EDIL3: variants seen among roughly 807,000 people sequenced by gnomAD.
The protein encoded by EDIL3 is EGF like and discoidin domains 3, also known as EGF-like repeat and discoidin I-like domain-containing protein 3.
EDIL3 carries 37 observed loss-of-function variants against 67.4 expected under a neutral mutation model. That is an observed-to-expected ratio of 0.55 (90% CI 0.42 to 0.72). EDIL3 has a LOEUF of 0.72. Among genes scored for constraint, EDIL3 ranks in the 30% least tolerant of loss-of-function variants. The probability of loss-of-function intolerance (pLI) is 0.00; values close to 1 mark genes in which losing one functional copy is unlikely to be tolerated. For missense variants in EDIL3, 527 were observed against 586.3 expected (o/e 0.90, Z 1.04); for synonymous variants, 195 against 196.3 (o/e 0.99, Z 0.05).
At chr5:84,197,520 G>A (rs541405056) in intron 3 of EDIL3, among the ~76,000 whole-genome samples, 1 of 151,848 alleles carries the variant, frequency 6.6e-6, no homozygotes, top group African/African-American at 2.4e-5. Flanking sequence ...TTAGCAGTGC[G>A]TGGTGGCACG....
chr5:84,067,192 C>CT (rs1746658355), intron 6 of EDIL3, among the ~76,000 whole-genome samples: 2 of 152,058 alleles, frequency 1.3e-5, no homozygotes, highest in African/African-American at 4.8e-5. Context: ...TAAATGATTG[C>CT]TTTTTTCTTC....
At position 83,973,625 on chromosome 5, in the gene EDIL3, A is replaced by C. The variant is rs370063246; in HGVS notation, c.1138-10265T>G. ...GTTTACACGTGTAAAAACTATCTGA[A>C]TATATCTTTGACAATTACTTTACTG... On this transcript the variant is annotated intron_variant, in intron 9 of 10. Transcript: ENST00000296591. Among the ~76,000 whole-genome samples the C allele has an allele frequency of 3.1e-4, 47 of 152,162 alleles. 1 individual carries two copies. The highest frequency in any genetic ancestry group is 1.0e-3 in the African/African-American group (42 of 41,544).
At chr5:84,209,473 A>T (rs1014508116) in intron 3 of EDIL3, among the ~76,000 whole-genome samples, 1 of 152,176 alleles carries the variant, frequency 6.6e-6, no homozygotes, top group Non-Finnish European at 1.5e-5. Flanking sequence ...GAATAAATGT[A>T]TACTTAATTA....
intron 4 of EDIL3, among the ~76,000 whole-genome samples, chr5:84,166,618 A>C (rs1262233620): frequency 1.3e-5 from 2 of 152,178 alleles, no homozygotes; most frequent in African/African-American, 4.8e-5. Flanking sequence ...GAGAAGAAAA[A>C]TATTAAAACA....
At chr5:84,135,284 C>T (rs1748068339) in intron 5 of EDIL3, among the ~76,000 whole-genome samples, 1 of 152,154 alleles carries the variant, frequency 6.6e-6, no homozygotes, top group South Asian at 2.1e-4. Context: ...TTCTCCCCCG[C>T]AATTGTTCCC....
In EDIL3 at chr5:84,283,624, C is replaced by T. The variant is rs16901041; in HGVS notation, c.68-29412G>A. 8.9e-3 allele frequency among the ~76,000 whole-genome samples: 1,356 copies of T among 152,238 alleles called. 31 individuals are homozygous for T. Among genetic ancestry groups the T allele is most frequent in the African/African-American group, 0.031 (1,297 of 41,540 alleles). On this transcript the variant is annotated intron_variant, in intron 1 of 10. Transcript: ENST00000296591. ...TCCACATTTCTAACCATATTGAACA[C>T]GACTACTTATAATTCACAAATCTTC...
At chr5:84,336,850 A>T (rs1261909013) in intron 1 of EDIL3, among the ~76,000 whole-genome samples, 1 of 152,170 alleles carries the variant, frequency 6.6e-6, no homozygotes, top group African/African-American at 2.4e-5. Context: ...TTAAAGTGAG[A>T]TCTTATCTCA....
chr5:83,954,688 C>T (rs4330447), intron 10 of EDIL3, among the ~76,000 whole-genome samples: 85,959 of 151,476 alleles, frequency 0.57, 24,546 homozygotes, highest in African/African-American at 0.62. Flanking sequence ...TTAATCGTAA[C>T]ACAAAATGGA....
intron 3 of EDIL3, among the ~76,000 whole-genome samples, chr5:84,213,035 G>A (rs1744160389): frequency 6.7e-6 from 1 of 149,940 alleles, no homozygotes; most frequent in Non-Finnish European, 1.5e-5. Flanking sequence ...GAAAATTCAA[G>A]TAACTTAAAA....
chr5:84,138,987 C>T (rs1300818494), intron 4 of EDIL3, among the ~76,000 whole-genome samples: 1 of 152,174 alleles, frequency 6.6e-6, no homozygotes, highest in African/African-American at 2.4e-5. Flanking sequence ...CACCTGTCAT[C>T]CCAGCACTTT....
intron 2 of EDIL3, among the ~76,000 whole-genome samples, chr5:84,242,284 C>T (rs990705584): frequency 1.8e-4 from 27 of 151,886 alleles, no homozygotes; most frequent in African/African-American, 6.5e-4. Flanking sequence ...CTGTTAACCC[C>T]AGTTTTACAG....
intron 1 of EDIL3, among the ~76,000 whole-genome samples, chr5:84,361,270 AAC>A (rs10553087): frequency 0.41 from 60,919 of 147,246 alleles, 12,578 homozygotes; most frequent in East Asian, 0.58. Context: ...AGGTCATTAC[AAC>A]ACACACACAC....
At chr5:84,211,006 C>A (rs1051031370) in intron 3 of EDIL3, among the ~76,000 whole-genome samples, 1 of 152,168 alleles carries the variant, frequency 6.6e-6, no homozygotes, top group Non-Finnish European at 1.5e-5. Flanking sequence ...ACCCCGCCCC[C>A]CAACCAAAAT....
intron 3 of EDIL3, among the ~76,000 whole-genome samples, chr5:84,203,238 C>T (rs1413440717): frequency 6.6e-6 from 1 of 152,128 alleles, no homozygotes; most frequent in Non-Finnish European, 1.5e-5. Context: ...TTTTAATATA[C>T]TGATATTCTG....
intron 5 of EDIL3, among the ~76,000 whole-genome samples, chr5:84,115,090 T>C (rs1459095004): frequency 2.0e-5 from 3 of 152,174 alleles, no homozygotes; most frequent in Admixed American, 6.5e-5. Flanking sequence ...TTTTTGAAGG[T>C]GGATTAGTCC....
chr5:83,980,676 AATATAT>A (rs113580835), intron 9 of EDIL3, among the ~76,000 whole-genome samples: 1 of 141,062 alleles, frequency 7.1e-6, no homozygotes, highest in East Asian at 2.1e-4. Context: ...GAAAGATTGA[AATATAT>A]ATATATATAT....
intron 9 of EDIL3, among the ~76,000 whole-genome samples, chr5:83,995,049 G>GT (rs1056800719): frequency 5.9e-5 from 9 of 151,842 alleles, no homozygotes; most frequent in African/African-American, 2.2e-4. Context: ...TTACTTATCT[G>GT]TTTTTTGTAA....
intron 1 of EDIL3, among the ~76,000 whole-genome samples, chr5:84,360,835 A>C (rs1747582936): frequency 6.6e-6 from 1 of 152,166 alleles, no homozygotes; most frequent in Admixed American, 6.6e-5. Context: ...CTCAAACAGA[A>C]AGAATGCAAA....
At chr5:84,356,039 G>A (rs896388775) in intron 1 of EDIL3, among the ~76,000 whole-genome samples, 4 of 152,080 alleles carry the variant, frequency 2.6e-5, no homozygotes, top group Non-Finnish European at 5.9e-5. Context: ...GCAGATGGCC[G>A]ATTTATCTCT....
Sources: gnomAD v4.1 joint callset for allele counts (sites outside exome capture counted in the v4.1 genomes callset) on GRCh38, gnomAD v4.1.1 for gene constraint, MANE v1.5 for transcripts, NCBI Gene and HGNC (gene_info 2026-07-23, HGNC 2026-07-21) for gene names.